The following SYNE2 variants were observed in gnomAD, a reference collection of about 807,000 sequenced individuals.
SYNE2 encodes the protein spectrin repeat containing nuclear envelope protein 2.
A neutral mutation model predicts 856.3 loss-of-function variants in SYNE2; 431 were observed. That is an observed-to-expected ratio of 0.50 (90% CI 0.47 to 0.55). SYNE2 has a LOEUF of 0.55. Among genes scored for constraint, SYNE2 ranks in the 20% least tolerant of loss-of-function variants. SYNE2 has a pLI of 0.00. For missense variants in SYNE2, 8,129 were observed against 8,023.2 expected (o/e 1.01, Z -0.50); for synonymous variants, 2,923 against 2,872.3 (o/e 1.02, Z -0.56).
At chr14:64,094,176 C>CA (rs1488793603) in intron 61 of SYNE2, among the ~76,000 whole-genome samples, 11 of 151,080 alleles carry the variant, frequency 7.3e-5, no homozygotes, top group Non-Finnish European at 1.0e-4. Flanking sequence ...ACTAAAAATA[C>CA]AAAAAAAATT....
intron 79 of SYNE2, among the ~76,000 whole-genome samples, chr14:64,138,306 A>G (rs552826274): frequency 6.6e-6 from 1 of 152,188 alleles, no homozygotes; most frequent in African/African-American, 2.4e-5. Flanking sequence ...ATCATAGCTC[A>G]CTGCAACCTT....
intron 1 of SYNE2, among the ~76,000 whole-genome samples, chr14:63,835,566 CGTGTGTGTGT>C (rs10557777): frequency 3.3e-5 from 5 of 149,466 alleles, no homozygotes; most frequent in African/African-American, 7.4e-5. Context: ...TAGATATTTG[CGTGTGTGTGT>C]GTGTGTGTGT....
intron 44 of SYNE2, among the ~76,000 whole-genome samples, chr14:64,030,700 T>A (rs1051672661): frequency 6.6e-6 from 1 of 152,222 alleles, no homozygotes; most frequent in African/African-American, 2.4e-5. Context: ...AGGCACCTAT[T>A]ATTCAGTGTT....
chr14:64,184,444 G>A (rs2153744032), intron 96 of SYNE2, among the ~76,000 whole-genome samples: 1 of 152,148 alleles, frequency 6.6e-6, no homozygotes, highest in Admixed American at 6.5e-5. Flanking sequence ...CTTATCCAGT[G>A]ACTGTACACT....
chr14:64,019,397 T>A (rs1015509224), intron 34 of SYNE2, among the ~76,000 whole-genome samples: 5 of 152,224 alleles, frequency 3.3e-5, no homozygotes, highest in African/African-American at 9.6e-5. Flanking sequence ...TCTCTAACTA[T>A]TTTATTTACT....
chr14:64,076,200 G>C lies in SYNE2; in HGVS notation c.11022+100G>C, dbSNP rs1484419310. ...TCAAATTCCATTTGCCAGGATTTCA[G>C]CTATAACTTCTTTTAAGAGTTAAGT... On this transcript the variant is annotated intron_variant, in intron 54 of 115. Coordinates refer to ENST00000555002, the MANE Select transcript of SYNE2 (RefSeq NM_182914.3). 2.9e-6 allele frequency: 4 copies of C among 1,356,554 alleles called. No individual in the cohort carries two copies. The East Asian group carries it at 7.4e-5, about 25-fold the overall frequency. 84.0% of individuals were successfully genotyped at this position (1,356,554 alleles called of 1,614,324 possible). A position where few individuals can be genotyped will look rare whatever the true frequency, so the allele number is the denominator to read the frequency against.
Position 64,137,977 on chromosome 14 carries a change from T to TGCTCAGGTCA in SYNE2, c.14840_14843+6dup, listed in dbSNP as rs1347323361. On this transcript the variant is annotated frameshift_variant, in exon 79 of 116. Coordinates refer to ENST00000555002, the MANE Select transcript of SYNE2 (RefSeq NM_182914.3). LOFTEE classifies it high-confidence loss of function. ...AGGCTGCAAGCTCTTCTCAAGCATC[T>TGCTCAGGTCA]GCTCAGGTCAGCCTTTTTGGGGGTG... The TGCTCAGGTCA allele has an allele frequency of 6.2e-7, 1 of 1,613,582 alleles. No homozygotes were observed.
At chr14:64,036,039 A>G (rs543004515) in intron 45 of SYNE2, among the ~76,000 whole-genome samples, 27 of 152,198 alleles carry the variant, frequency 1.8e-4, no homozygotes, top group African/African-American at 4.8e-4. Context: ...GATTAAACAC[A>G]TTCAAATAGG....
chr14:63,869,418 T>C (rs1366854831), intron 1 of SYNE2, among the ~76,000 whole-genome samples: 1 of 151,966 alleles, frequency 6.6e-6, no homozygotes, highest in Non-Finnish European at 1.5e-5. Context: ...AGTCAGGAGT[T>C]TGAGACCAGC....
In SYNE2 at chr14:64,221,681, C is replaced by A; in HGVS notation, c.20167C>A (p.Leu6723Ile). 1 of 1,614,124 alleles carries A rather than the reference C, an allele frequency of 6.2e-7. No homozygotes were observed. The highest frequency in any genetic ancestry group is 2.2e-5 in the East Asian group (1 of 44,888). The stretch of plus-strand genomic sequence containing the variant: ...TCCAAAGGCAGACCCCCGGGCTCTC[C>A]TAGAGTGTCGGAGGGAACTAATGGT... ...TDPKADPRAL[L>I]ECRRELMQLE... Residue 6723 changes from leucine to isoleucine, a missense_variant, in exon 112 of 116, where the codon CTA (leucine) becomes ATA (isoleucine). This residue lies in a region of SYNE2 where 5,410 missense variants were observed against 5,284.8 expected (regional missense o/e 1.02). Coordinates refer to ENST00000555002, the MANE Select transcript of SYNE2 (RefSeq NM_182914.3).
rs759668362 is a variant in SYNE2, at chr14:64,098,808, C to G, written c.12368C>G (p.Ser4123Cys). 27 of 1,613,850 alleles carry G rather than the reference C, an allele frequency of 1.7e-5. No individual in the cohort carries two copies. Among genetic ancestry groups the G allele is most frequent in the Non-Finnish European group, 2.1e-5 (25 of 1,180,012 alleles). ...GTCGAGGAAGAGGTGGAAGAAAGTT[C>G]CGTGAAGAGCGATGTAAGGGAAATG... ...AAVEEEVEES[S>C]VKSDNGDEKA... The change falls in exon 63 of 116, where the codon TCC becomes TGC. Residue 4123 changes from serine (S) to cysteine (C), a missense_variant. Coordinates refer to ENST00000555002, the MANE Select transcript of SYNE2 (RefSeq NM_182914.3).
At chr14:63,769,718 TAAA>T (rs35285205) in intron 1 of SYNE2, among the ~76,000 whole-genome samples, 19 of 120,778 alleles carry the variant, frequency 1.6e-4, no homozygotes, top group East Asian at 2.5e-4. Flanking sequence ...ACCCTGTCTC[TAAA>T]AAAAAAAAAA....
chr14:64,022,901 A>G lies in SYNE2; in HGVS notation c.5637+38A>G, dbSNP rs142008484. The G allele has an allele frequency of 7.5e-4, 776 of 1,038,012 alleles. 6 individuals are homozygous for G. The highest frequency in any genetic ancestry group is 6.5e-3 in the South Asian group (485 of 74,274). 64.3% of individuals were successfully genotyped at this position (1,038,012 alleles called of 1,614,324 possible). On this transcript the variant is annotated intron_variant, in intron 38 of 115. Transcript: ENST00000555002. ...TGTGTATTTTTAATAAAAATTTTCA[A>G]TACTAAAATACTGGAGGCATAGAAC...
chr14:64,129,934 T>G (rs369179166), intron 75 of SYNE2, 33 bp downstream of exon 75: 1 of 1,614,092 alleles, frequency 6.2e-7, no homozygotes, highest in Non-Finnish European at 8.5e-7. Flanking sequence ...GACTCAGCAC[T>G]GTGATTGTGA....
chr14:64,094,469 C>A (rs2097659411), intron 61 of SYNE2, among the ~76,000 whole-genome samples: 1 of 152,074 alleles, frequency 6.6e-6, no homozygotes, highest in South Asian at 2.1e-4. Flanking sequence ...TAAAAAACAA[C>A]AACAACAAAA....
chr14:64,220,073 C>A (rs2098687585), intron 110 of SYNE2, among the ~76,000 whole-genome samples: 1 of 152,170 alleles, frequency 6.6e-6, no homozygotes, highest in Admixed American at 6.5e-5. Flanking sequence ...GTTACCATTC[C>A]TCCTAAGGAA....
intron 66 of SYNE2, among the ~76,000 whole-genome samples, chr14:64,114,873 A>G (rs965243773): frequency 2.0e-5 from 3 of 152,100 alleles, no homozygotes; most frequent in Non-Finnish European, 2.9e-5. Flanking sequence ...CACCCAAGTC[A>G]GCCTCCCAAA....
intron 84 of SYNE2, among the ~76,000 whole-genome samples, chr14:64,150,971 T>A (rs371731885): frequency 8.5e-5 from 13 of 152,208 alleles, no homozygotes; most frequent in African/African-American, 2.9e-4. Context: ...TTCACCCACA[T>A]GTTAGTATGG....
At chr14:63,819,763 C>T (rs889852342) in intron 1 of SYNE2, among the ~76,000 whole-genome samples, 51 of 152,130 alleles carry the variant, frequency 3.4e-4, no homozygotes, top group African/African-American at 1.2e-3. Context: ...GTCTCGATCT[C>T]CTGACCTCGT....
Sources: allele counts gnomAD v4.1 joint callset (sites outside exome capture counted in the v4.1 genomes callset), GRCh38; gene constraint gnomAD v4.1.1; regional missense constraint gnomAD v4.1.1; transcripts MANE v1.5; gene names NCBI Gene and HGNC (gene_info 2026-07-23, HGNC 2026-07-21).